NELL1: variants seen among roughly 807,000 people sequenced by gnomAD.
NELL1 encodes neural EGFL like 1.
A neutral mutation model predicts 107.4 loss-of-function variants in NELL1; 76 were observed. That is an observed-to-expected ratio of 0.71 (90% CI 0.59 to 0.86). The LOEUF is 0.86. Among genes scored for constraint, NELL1 ranks in the 40% least tolerant of loss-of-function variants. The pLI, the probability that NELL1 is intolerant of heterozygous loss-of-function variation, is 0.00. For missense variants in NELL1, 1,024 were observed against 1,005.5 expected (o/e 1.02, Z -0.25); for synonymous variants, 353 against 341.2 (o/e 1.03, Z -0.38).
intron 14 of NELL1, among the ~76,000 whole-genome samples, chr11:21,355,868 A>C (rs1001582681): frequency 2.6e-5 from 4 of 152,206 alleles, no homozygotes; most frequent in Non-Finnish European, 4.4e-5. Flanking sequence ...TTGTACAGGC[A>C]GTATTGCTTG....
At chr11:21,466,419 C>A (rs1039658071) in intron 15 of NELL1, among the ~76,000 whole-genome samples, 2 of 152,122 alleles carry the variant, frequency 1.3e-5, no homozygotes, top group African/African-American at 4.8e-5. Flanking sequence ...CACTCCAACT[C>A]TTTCTTGTGA....
chr11:20,961,451 A>T (rs1271736197), intron 12 of NELL1, among the ~76,000 whole-genome samples: 1 of 152,136 alleles, frequency 6.6e-6, no homozygotes, highest in Non-Finnish European at 1.5e-5. Flanking sequence ...CTTCATTAAT[A>T]ATACCTTGCA....
intron 2 of NELL1, among the ~76,000 whole-genome samples, chr11:20,743,598 A>G (rs563826284): frequency 5.9e-5 from 9 of 152,154 alleles, no homozygotes; most frequent in African/African-American, 4.8e-5. Context: ...TTCTCTAGGT[A>G]TCCTGCTTCA....
intron 12 of NELL1, among the ~76,000 whole-genome samples, chr11:21,080,831 C>T (rs1481041961): frequency 2.0e-5 from 3 of 152,040 alleles, no homozygotes; most frequent in African/African-American, 7.2e-5. Context: ...TCTTTCTTTA[C>T]ATCCTCGCCA....
chr11:20,734,689 A>C (rs997376102), intron 2 of NELL1, among the ~76,000 whole-genome samples: 1 of 152,214 alleles, frequency 6.6e-6, no homozygotes, highest in African/African-American at 2.4e-5. Context: ...AGATGTCCAC[A>C]GGGAGATGTC....
At chr11:20,916,819 T>G (rs1850268563) in intron 5 of NELL1, among the ~76,000 whole-genome samples, 3 of 151,936 alleles carry the variant, frequency 2.0e-5, no homozygotes. Context: ...GAGGCCTGTT[T>G]CATTGACCTA....
chr11:21,237,697 A>G (rs754845377), intron 14 of NELL1, among the ~76,000 whole-genome samples: 8 of 152,092 alleles, frequency 5.3e-5, no homozygotes, highest in Non-Finnish European at 7.4e-5. Flanking sequence ...TATAGTCTGA[A>G]TGGAACTAAA....
chr11:21,492,462 C>T (rs1370185372), intron 15 of NELL1, among the ~76,000 whole-genome samples: 2 of 151,794 alleles, frequency 1.3e-5, no homozygotes, highest in Non-Finnish European at 2.9e-5. Flanking sequence ...TTTATTGCGG[C>T]ACTATTCACA....
chr11:20,946,018 G>A (rs1365160971), intron 10 of NELL1, among the ~76,000 whole-genome samples: 1 of 152,204 alleles, frequency 6.6e-6, no homozygotes, highest in East Asian at 1.9e-4. Flanking sequence ...TTCTGAGAAA[G>A]GAGAGGAAGC....
At chr11:21,125,338 A>G (rs1418993665) in intron 13 of NELL1, among the ~76,000 whole-genome samples, 1 of 152,196 alleles carries the variant, frequency 6.6e-6, no homozygotes, top group East Asian at 1.9e-4. Context: ...TATCATGTCA[A>G]CATTTTTCTT....
At chr11:20,706,051 C>T (rs963349087) in intron 2 of NELL1, among the ~76,000 whole-genome samples, 4 of 152,204 alleles carry the variant, frequency 2.6e-5, no homozygotes, top group African/African-American at 9.7e-5. Context: ...AATAGGAACA[C>T]TTTTACACTG....
At chr11:21,045,156 T>A (rs1853326265) in intron 12 of NELL1, among the ~76,000 whole-genome samples, 1 of 152,150 alleles carries the variant, frequency 6.6e-6, no homozygotes, top group Non-Finnish European at 1.5e-5. Flanking sequence ...CGGATTGGTA[T>A]CCTCTATGAG....
chr11:21,164,801 C>T (rs1370316643), intron 13 of NELL1, among the ~76,000 whole-genome samples: 1 of 152,142 alleles, frequency 6.6e-6, no homozygotes, highest in Non-Finnish European at 1.5e-5. Flanking sequence ...GACTCTGTTT[C>T]CTTTATGAAG....
intron 13 of NELL1, among the ~76,000 whole-genome samples, chr11:21,114,398 C>T (rs1176178912): frequency 6.6e-6 from 1 of 151,944 alleles, no homozygotes; most frequent in Non-Finnish European, 1.5e-5. Flanking sequence ...TGTTTAAATA[C>T]TAAATCTGTA....
chr11:20,908,556 G>A (rs568726032), intron 5 of NELL1, among the ~76,000 whole-genome samples: 4 of 152,162 alleles, frequency 2.6e-5, no homozygotes, highest in South Asian at 2.1e-4. Flanking sequence ...GGCCTGTTGC[G>A]GGATGGGGGA....
chr11:20,785,934 G>A (rs1054504521), intron 3 of NELL1, among the ~76,000 whole-genome samples: 1 of 151,914 alleles, frequency 6.6e-6, no homozygotes, highest in Non-Finnish European at 1.5e-5. Flanking sequence ...GTTGCCATGT[G>A]AGGCTGTCTT....
intron 5 of NELL1, among the ~76,000 whole-genome samples, chr11:20,917,013 T>A (rs1232837270): frequency 6.6e-6 from 1 of 151,936 alleles, no homozygotes; most frequent in Non-Finnish European, 1.5e-5. Flanking sequence ...AATTGCCACA[T>A]GTGCTTGAAG....
intron 15 of NELL1, among the ~76,000 whole-genome samples, chr11:21,446,868 C>G (rs1417156250): frequency 6.6e-6 from 1 of 152,240 alleles, no homozygotes; most frequent in Admixed American, 6.5e-5. Flanking sequence ...GTGATGAGTT[C>G]TACCATGTCC....
chr11:20,950,969 G>C (rs1335868716), intron 11 of NELL1, among the ~76,000 whole-genome samples: 3 of 152,218 alleles, frequency 2.0e-5, no homozygotes, highest in Non-Finnish European at 4.4e-5. Context: ...ATTAGTCTGA[G>C]AGAAATTACC....
Sources: allele counts gnomAD v4.1 joint callset (sites outside exome capture counted in the v4.1 genomes callset), GRCh38; gene constraint gnomAD v4.1.1; transcripts MANE v1.5; gene names NCBI Gene and HGNC (gene_info 2026-07-23, HGNC 2026-07-21).